Variants in CBLB observed in about 807,000 individuals in gnomAD.
The protein encoded by CBLB is Cbl proto-oncogene B.
A neutral mutation model predicts 104.9 loss-of-function variants in CBLB; 31 were observed. That is an observed-to-expected ratio of 0.30 (90% CI 0.22 to 0.40). The LOEUF (loss-of-function observed/expected upper bound fraction) is 0.40. Among genes scored for constraint, CBLB ranks in the 10% least tolerant of loss-of-function variants. The pLI is 1.00. For missense variants in CBLB, 1,062 were observed against 1,214.6 expected (o/e 0.87, Z 1.87); for synonymous variants, 440 against 422.6 (o/e 1.04, Z -0.51).
intron 3 of CBLB, among the ~76,000 whole-genome samples, chr3:105,844,317 T>C (rs983694927): frequency 2.0e-5 from 3 of 152,202 alleles, no homozygotes; most frequent in African/African-American, 7.2e-5. Context: ...ATGTGGTACT[T>C]CGTTACCGCA....
At chr3:105,712,096 A>G (rs2071197022) in intron 10 of CBLB, among the ~76,000 whole-genome samples, 1 of 152,138 alleles carries the variant, frequency 6.6e-6, no homozygotes, top group Non-Finnish European at 1.5e-5. Context: ...AACACAAGTG[A>G]TGATACTGCT....
At chr3:105,663,904 A>AG (rs1384551877) in intron 18 of CBLB, among the ~76,000 whole-genome samples, 5 of 15,752 alleles carry the variant, frequency 3.2e-4, no homozygotes, top group Admixed American at 2.6e-3. Flanking sequence ...AAAGCTTATT[A>AG]GGAAAAAAAA....
In CBLB at chr3:105,656,839, C is replaced by T. The variant is rs930264435; in HGVS notation, c.*2131G>A. 2 of 207,304 alleles carry T rather than the reference C, an allele frequency of 9.6e-6. No homozygotes were observed. Among genetic ancestry groups the T allele is most frequent in the African/African-American group, 4.5e-5 (2 of 44,022 alleles). 12.8% of individuals were successfully genotyped at this position (207,304 alleles called of 1,614,324 possible). On this transcript the variant is annotated 3_prime_UTR_variant, in exon 19 of 19. Transcript: ENST00000394030. ...GCCTTTAGACTGTACCTATCATCAG[C>T]AATCATAAAAAGGCCAAAATAAACA...
intron 3 of CBLB, among the ~76,000 whole-genome samples, chr3:105,785,178 T>A (rs552168632): frequency 6.6e-6 from 1 of 152,336 alleles, no homozygotes; most frequent in African/African-American, 2.4e-5. Context: ...TTAAAATAGC[T>A]ATCAAATAAA....
intron 2 of CBLB, among the ~76,000 whole-genome samples, chr3:105,863,843 C>T: frequency 6.6e-6 from 1 of 152,120 alleles, no homozygotes; most frequent in Admixed American, 6.5e-5. Flanking sequence ...ACTCAGAGTG[C>T]TTTGCTCTTC....
intron 8 of CBLB, 74 bp downstream of exon 8, chr3:105,737,097 C>G (rs1576736397): frequency 1.4e-6 from 1 of 721,048 alleles, no homozygotes; most frequent in East Asian, 2.5e-5. Context: ...TTTAACTACA[C>G]TAAGAGAGTC....
intron 13 of CBLB, among the ~76,000 whole-genome samples, chr3:105,687,392 G>A (rs1253525295): frequency 6.6e-6 from 1 of 151,960 alleles, no homozygotes; most frequent in East Asian, 1.9e-4. Context: ...CATTGATAGA[G>A]AATTTCTCGA....
At chr3:105,754,613 A>G (rs955742890) in intron 4 of CBLB, among the ~76,000 whole-genome samples, 25 of 152,132 alleles carry the variant, frequency 1.6e-4, no homozygotes, top group Middle Eastern at 3.4e-3. Flanking sequence ...AAATCTTTCA[A>G]TATATTCTAT....
intron 3 of CBLB, among the ~76,000 whole-genome samples, chr3:105,841,227 C>T (rs1486097723): frequency 1.4e-5 from 2 of 144,592 alleles, no homozygotes; most frequent in East Asian, 2.1e-4. Context: ...ACCTGGGAGG[C>T]GGAGGTTGCA....
intron 18 of CBLB, among the ~76,000 whole-genome samples, chr3:105,665,404 AATAAATAAATAAATATATATATATAT>A (rs1160890229): frequency 2.1e-4 from 13 of 62,488 alleles, no homozygotes; most frequent in South Asian, 8.5e-4. Flanking sequence ...TAAATAAATA[AATAAATAAATAAATATATATATATAT>A]ATATATATAT....
intron 5 of CBLB, among the ~76,000 whole-genome samples, chr3:105,750,351 A>G (rs1210315582): frequency 6.6e-6 from 1 of 152,166 alleles, no homozygotes; most frequent in African/African-American, 2.4e-5. Context: ...GCTAGTGCCA[A>G]GCAGAATTAT....
chr3:105,663,203 C>G (rs2063998239), intron 18 of CBLB, among the ~76,000 whole-genome samples: 1 of 152,164 alleles, frequency 6.6e-6, no homozygotes, highest in Non-Finnish European at 1.5e-5. Context: ...GTCATTACAA[C>G]AGTTACTTCT....
In CBLB at chr3:105,783,045, T is replaced by TCA. The variant is rs2080483824; in HGVS notation, c.420-6504_420-6503insTG. Reference sequence around the variant, plus strand: ...AAACATGAAATAACATGCCAGCCTATGATGCTCAATGTAATATCCTTTGAG... The same window carrying TCA: ...AAACATGAAATAACATGCCAGCCTATCAGATGCTCAATGTAATATCCTTTGAG... On this transcript the variant is annotated intron_variant, in intron 3 of 18. Coordinates refer to ENST00000394030, the MANE Select transcript of CBLB (RefSeq NM_170662.5). Among the ~76,000 whole-genome samples the TCA allele has an allele frequency of 2.0e-5, 3 of 152,246 alleles. No homozygotes were observed. In the South Asian group the frequency reaches 6.2e-4, roughly 32 times the overall value.
intron 9 of CBLB, among the ~76,000 whole-genome samples, chr3:105,728,738 T>C (rs2073974031): frequency 6.6e-6 from 1 of 152,182 alleles, no homozygotes; most frequent in African/African-American, 2.4e-5. Flanking sequence ...TTACTTAGTA[T>C]TCTGTGCAAA....
chr3:105,740,782 A>G (rs1373197055), intron 6 of CBLB, 151 bp from the exon 7 acceptor site: 1 of 701,808 alleles, frequency 1.4e-6, no homozygotes, highest in East Asian at 2.7e-5. Flanking sequence ...ATTTTTAGCA[A>G]CAATGTACTT....
intron 3 of CBLB, among the ~76,000 whole-genome samples, chr3:105,801,361 C>A (rs1291921407): frequency 6.6e-6 from 1 of 152,024 alleles, no homozygotes; most frequent in Non-Finnish European, 1.5e-5. Flanking sequence ...ATGAGAAAAG[C>A]ATATTTTTAA....
chr3:105,656,865 G>A lies in CBLB; in HGVS notation c.*2105C>T. ...AATCATAAAAAGGCCAAAATAAACA[G>A]TGCTATTCCAAGGTGACATCTGAAA... On this transcript the variant is annotated 3_prime_UTR_variant, in exon 19 of 19. Transcript: ENST00000394030. The A allele has an allele frequency of 4.8e-6, 1 of 209,344 alleles. No homozygotes were observed. The highest frequency in any genetic ancestry group is 9.7e-6 in the Non-Finnish European group (1 of 103,064). The allele number at this position is 209,344 out of a possible 1,614,324, so 13.0% of individuals were successfully genotyped here.
At chr3:105,868,706 A>C in intron 1 of CBLB, 30 bp downstream of exon 1, 1 of 996,936 alleles carries the variant, frequency 1.0e-6, no homozygotes, top group South Asian at 4.7e-5. Flanking sequence ...AGAAGTGTGG[A>C]GCCTCCCCGG....
intron 7 of CBLB, among the ~76,000 whole-genome samples, chr3:105,738,807 T>C (rs961499246): frequency 2.0e-5 from 3 of 152,136 alleles, no homozygotes; most frequent in Non-Finnish European, 4.4e-5. Flanking sequence ...CTAGCAAATT[T>C]ATGAAAATTA....
Sources: gnomAD v4.1 joint callset for allele counts (sites outside exome capture counted in the v4.1 genomes callset) on GRCh38, gnomAD v4.1.1 for gene constraint, MANE v1.5 for transcripts, NCBI Gene and HGNC (gene_info 2026-07-23, HGNC 2026-07-21) for gene names.